STOX2: variants seen among roughly 807,000 people sequenced by gnomAD.
STOX2 encodes storkhead box 2, also known as storkhead-box protein 2.
A neutral mutation model predicts 60.9 loss-of-function variants in STOX2; 28 were observed. That is an observed-to-expected ratio of 0.46 (90% CI 0.34 to 0.63). The LOEUF (loss-of-function observed/expected upper bound fraction) is 0.63. Among genes scored for constraint, STOX2 ranks in the 30% least tolerant of loss-of-function variants. The pLI, the probability that STOX2 is intolerant of heterozygous loss-of-function variation, is 0.01. For missense variants in STOX2, 1,024 were observed against 1,187.7 expected, an observed-to-expected ratio of 0.86 and a Z score of 2.03; for synonymous variants, 472 against 463.9, an observed-to-expected ratio of 1.02 and a Z score of -0.22.
chr4:183,954,442 C>T (rs1743186928), intron 1 of STOX2, among the ~76,000 whole-genome samples: 1 of 151,958 alleles, frequency 6.6e-6, no homozygotes, highest in Non-Finnish European at 1.5e-5. Context: ...GCGCCCACCA[C>T]CATACCTGGC....
intron 1 of STOX2, among the ~76,000 whole-genome samples, chr4:183,883,910 G>A (rs919428594): frequency 1.3e-5 from 2 of 150,986 alleles, no homozygotes; most frequent in Admixed American, 6.6e-5. Flanking sequence ...AGAGTGCAGT[G>A]GTGCGATCTC....
chr4:183,930,086 G>A (rs1042208557), intron 1 of STOX2, among the ~76,000 whole-genome samples: 2 of 151,394 alleles, frequency 1.3e-5, no homozygotes, highest in South Asian at 2.1e-4. Flanking sequence ...GATGGGTCTC[G>A]ATCTCCTGAC....
At chr4:183,864,323 T>TA (rs1331495510) in intron 1 of STOX2, among the ~76,000 whole-genome samples, 1 of 152,166 alleles carries the variant, frequency 6.6e-6, no homozygotes, top group Non-Finnish European at 1.5e-5. Flanking sequence ...TACTTTGGAT[T>TA]AAAAAAACTA....
Position 184,021,738 on chromosome 4 carries a change from C to T in STOX2, c.*4454C>T, listed in dbSNP as rs1191203871. On this transcript the variant is annotated 3_prime_UTR_variant, in exon 4 of 4. Coordinates refer to ENST00000308497, the MANE Select transcript of STOX2 (RefSeq NM_020225.3). ...TGCTTGGCACCATAGAAAATCAGTACAATATATCGAGCCCTACTTTGGAGG... is the reference window on the plus strand; with the variant it reads ...TGCTTGGCACCATAGAAAATCAGTATAATATATCGAGCCCTACTTTGGAGG... The T allele has an allele frequency of 6.6e-6, 1 of 152,198 alleles. No individual in the cohort carries two copies. The highest frequency in any genetic ancestry group is 2.4e-5 in the African/African-American group (1 of 41,444). The allele number at this position is 152,198 out of a possible 1,614,324, so 9.4% of individuals were successfully genotyped here.
At chr4:183,818,581 A>T (rs1328164976) in intron 1 of STOX2, among the ~76,000 whole-genome samples, 1 of 152,210 alleles carries the variant, frequency 6.6e-6, no homozygotes, top group African/African-American at 2.4e-5. Context: ...CGCCATCGTC[A>T]TCATGGCCCG....
At chr4:183,996,852 G>A (rs886137895) in intron 1 of STOX2, among the ~76,000 whole-genome samples, 1 of 151,996 alleles carries the variant, frequency 6.6e-6, no homozygotes, top group Non-Finnish European at 1.5e-5. Flanking sequence ...GTTAATTGGG[G>A]GAGTCTTAGA....
intron 1 of STOX2, among the ~76,000 whole-genome samples, chr4:183,915,165 G>A (rs1421671945): frequency 2.6e-5 from 4 of 152,210 alleles, no homozygotes; most frequent in Non-Finnish European, 4.4e-5. Flanking sequence ...AGATTTGGCA[G>A]ATGCCTGTGG....
chr4:183,968,390 ATAAT>A (rs1743643563), intron 1 of STOX2, among the ~76,000 whole-genome samples: 2 of 151,974 alleles, frequency 1.3e-5, no homozygotes, highest in South Asian at 2.1e-4. Flanking sequence ...AAAGAAGAGC[ATAAT>A]TAAAGACAAT....
intron 1 of STOX2, among the ~76,000 whole-genome samples, chr4:183,824,753 T>C (rs1192741188): frequency 6.6e-6 from 1 of 152,162 alleles, no homozygotes; most frequent in Non-Finnish European, 1.5e-5. Context: ...GATGCACCAA[T>C]ACTAGGCGCC....
chr4:183,819,463 C>G (rs936812698), intron 1 of STOX2, among the ~76,000 whole-genome samples: 20 of 150,996 alleles, frequency 1.3e-4, no homozygotes, highest in Non-Finnish European at 2.7e-4. Flanking sequence ...GAGAATCAGG[C>G]AGGGAGGTTG....
intron 1 of STOX2, among the ~76,000 whole-genome samples, chr4:183,935,354 G>GA (rs1180516763): frequency 3.9e-5 from 6 of 152,130 alleles, no homozygotes; most frequent in African/African-American, 9.6e-5. Context: ...AGGGGAAGAT[G>GA]AAAAAAAACA....
chr4:183,841,293 C>G (rs991996833), intron 1 of STOX2, among the ~76,000 whole-genome samples: 9 of 151,972 alleles, frequency 5.9e-5, no homozygotes, highest in Admixed American at 5.9e-4. Flanking sequence ...GACTTAGCTT[C>G]CTGGGTAGCT....
At chr4:183,870,366 G>A (rs1362738436) in intron 1 of STOX2, among the ~76,000 whole-genome samples, 1 of 152,140 alleles carries the variant, frequency 6.6e-6, no homozygotes, top group Non-Finnish European at 1.5e-5. Context: ...TTTCTTTCTA[G>A]GTCGTCAAAT....
intron 1 of STOX2, among the ~76,000 whole-genome samples, chr4:183,847,830 G>A (rs541745382): frequency 1.6e-4 from 24 of 152,292 alleles, no homozygotes; most frequent in Non-Finnish European, 3.2e-4. Flanking sequence ...CAGGCCCTTG[G>A]AATTCCCTAT....
At chr4:183,809,244 G>A (rs1320500477) in intron 1 of STOX2, among the ~76,000 whole-genome samples, 1 of 143,572 alleles carries the variant, frequency 7.0e-6, no homozygotes, top group Non-Finnish European at 1.5e-5. Flanking sequence ...ACCACACCCA[G>A]CTAACTTTAA....
chr4:183,978,032 C>T (rs1432350488), intron 1 of STOX2, among the ~76,000 whole-genome samples: 1 of 152,218 alleles, frequency 6.6e-6, no homozygotes, highest in Non-Finnish European at 1.5e-5. Context: ...CAAATATTTT[C>T]TCCCATTGTG....
chr4:183,995,723 G>C (rs540913848), intron 1 of STOX2, among the ~76,000 whole-genome samples: 1 of 152,198 alleles, frequency 6.6e-6, no homozygotes, highest in African/African-American at 2.4e-5. Flanking sequence ...CAGGGGCAGT[G>C]CCTCGTCACC....
At chr4:183,826,346 G>A (rs1739431485) in intron 1 of STOX2, among the ~76,000 whole-genome samples, 1 of 152,056 alleles carries the variant, frequency 6.6e-6, no homozygotes, top group Admixed American at 6.6e-5. Context: ...CAGCGAACCT[G>A]TTCCCCTGAG....
Position 184,006,947 on chromosome 4 carries a change from C to T in STOX2, c.320-2211C>T, listed in dbSNP as rs1412938968. Among the ~76,000 whole-genome samples the T allele has an allele frequency of 3.3e-3, 412 of 126,408 alleles. 2 individuals are homozygous for T. The highest frequency in any genetic ancestry group is 0.01 in the African/African-American group (341 of 33,010). The allele number at this position is 126,408 out of a possible 152,430, so 82.9% of individuals were successfully genotyped here. ...AGGAGAATGGCGTGAACCCAGGAGG[C>T]GGAGCTTGCAGTGAGCCGAGATCCC... is the stretch of plus-strand genomic sequence containing the variant. On this transcript the variant is annotated intron_variant, in intron 2 of 3. Coordinates refer to ENST00000308497, the MANE Select transcript of STOX2 (RefSeq NM_020225.3).
Sources: allele counts gnomAD v4.1 joint callset (sites outside exome capture counted in the v4.1 genomes callset), GRCh38; gene constraint gnomAD v4.1.1; transcripts MANE v1.5; gene names NCBI Gene and HGNC (gene_info 2026-07-23, HGNC 2026-07-21).